DTNB: variants seen among roughly 807,000 people sequenced by gnomAD.
DTNB encodes DTN-B.
Under a neutral mutation model 90.7 loss-of-function variants are expected in DTNB, and 63 were observed. The observed-to-expected ratio is 0.69, with a 90% CI of 0.57 to 0.86. DTNB has a LOEUF of 0.86. Ranked by LOEUF, DTNB falls within the 40% of genes least tolerant of loss-of-function variation. DTNB has a pLI of 0.00. For synonymous variants in DTNB, 277 were observed against 286.7 expected, an observed-to-expected ratio of 0.97 and a Z score of 0.34; for missense variants, 744 against 807.1, an observed-to-expected ratio of 0.92 and a Z score of 0.95.
At chr2:25,505,930 T>G (rs1558801939) in intron 9 of DTNB, among the ~76,000 whole-genome samples, 1 of 152,176 alleles carries the variant, frequency 6.6e-6, no homozygotes, top group Non-Finnish European at 1.5e-5. Flanking sequence ...ATGCCCTCAA[T>G]GGAAAGACAA....
intron 6 of DTNB, chr2:25,595,289 A>T (rs1043394649): frequency 1.3e-5 from 2 of 152,176 alleles, no homozygotes; most frequent in Admixed American, 6.5e-5. Context: ...TTGTAAATTT[A>T]CTATGTTCTT....
intron 20 of DTNB, among the ~76,000 whole-genome samples, chr2:25,378,155 G>A (rs943838619): frequency 2.0e-5 from 3 of 152,214 alleles, no homozygotes; most frequent in African/African-American, 7.2e-5. Flanking sequence ...CGGGGAGAGA[G>A]GGGCTCTGGC....
intron 10 of DTNB, among the ~76,000 whole-genome samples, chr2:25,480,263 C>T (rs1436792500): frequency 6.6e-6 from 1 of 152,196 alleles, no homozygotes; most frequent in African/African-American, 2.4e-5. Flanking sequence ...GGAGCTCAAC[C>T]TTCTTCTCTG....
intron 10 of DTNB, among the ~76,000 whole-genome samples, chr2:25,478,281 T>C (rs1468808879): frequency 1.3e-5 from 2 of 152,168 alleles, no homozygotes; most frequent in Non-Finnish European, 2.9e-5. Context: ...TGGGTATAAA[T>C]TGGATACCCT....
intron 12 of DTNB, among the ~76,000 whole-genome samples, chr2:25,446,751 T>A (rs930206447): frequency 6.6e-6 from 1 of 152,214 alleles, no homozygotes; most frequent in Non-Finnish European, 1.5e-5. Flanking sequence ...TGGGGACTCA[T>A]TGCGATATAT....
intron 2 of DTNB, among the ~76,000 whole-genome samples, chr2:25,644,009 AGG>A (rs951377626): frequency 6.6e-6 from 1 of 152,208 alleles, no homozygotes; most frequent in Non-Finnish European, 1.5e-5. Flanking sequence ...TACTCCCACC[AGG>A]GCCATGACAG....
chr2:25,671,577 A>T (rs2085921696), intron 1 of DTNB, among the ~76,000 whole-genome samples: 1 of 152,230 alleles, frequency 6.6e-6, no homozygotes, highest in Non-Finnish European at 1.5e-5. Flanking sequence ...GCCCTGAGAG[A>T]GTAACATAAA....
chr2:25,457,085 C>T (rs1255038574), intron 10 of DTNB, among the ~76,000 whole-genome samples: 4 of 152,162 alleles, frequency 2.6e-5, no homozygotes, highest in Admixed American at 6.5e-5. Context: ...TCTCAGCTCA[C>T]TGAAACCTCC....
chr2:25,653,431 TTAAAAAA>T (rs1356777793), intron 1 of DTNB, among the ~76,000 whole-genome samples: 1 of 147,174 alleles, frequency 6.8e-6, no homozygotes, highest in Non-Finnish European at 1.5e-5. Context: ...CGTTTTTTTT[TTAAAAAA>T]AAAAAAAAGA....
At chr2:25,499,739 G>A (rs1402420217) in intron 9 of DTNB, among the ~76,000 whole-genome samples, 1 of 152,178 alleles carries the variant, frequency 6.6e-6, no homozygotes, top group Non-Finnish European at 1.5e-5. Flanking sequence ...AACTTTGCGA[G>A]AGCAGGGACC....
chr2:25,576,852 CCTT>C lies in DTNB; in HGVS notation c.859_861del (p.Lys287del). Reference sequence around the variant, plus strand: ...AAAGCAGTTACCCAAGAGGAATGCTCCTTCATCTGGTGCTGGTTGCTGTGAGGG... The same window carrying C: ...AAAGCAGTTACCCAAGAGGAATGCTCCATCTGGTGCTGGTTGCTGTGAGGG... On this transcript the variant is annotated inframe_deletion, in exon 8 of 21. Coordinates refer to ENST00000406818, the MANE Select transcript of DTNB (RefSeq NM_021907.5). 6.2e-7 allele frequency: 1 copy of C among 1,612,378 alleles called. No homozygotes were observed. Among genetic ancestry groups the C allele is most frequent in the Non-Finnish European group, 8.5e-7 (1 of 1,179,196 alleles).
chr2:25,438,883 CT>C (rs1028403634), intron 12 of DTNB, among the ~76,000 whole-genome samples: 1 of 152,176 alleles, frequency 6.6e-6, no homozygotes, highest in African/African-American at 2.4e-5. Flanking sequence ...GGCACTTTAC[CT>C]TTTCCTTTCC....
At chr2:25,446,320 T>G (rs1466519863) in intron 12 of DTNB, among the ~76,000 whole-genome samples, 1 of 152,212 alleles carries the variant, frequency 6.6e-6, no homozygotes, top group Non-Finnish European at 1.5e-5. Context: ...CACTGCAACC[T>G]TGAACTTCTG....
intron 8 of DTNB, among the ~76,000 whole-genome samples, chr2:25,550,898 C>T (rs1004664708): frequency 6.6e-6 from 1 of 152,198 alleles, no homozygotes; most frequent in Non-Finnish European, 1.5e-5. Context: ...AATCTGCCCA[C>T]CTCGGCCTCC....
rs536815337 is a variant in DTNB, at chr2:25,629,444, A to G, written c.149-1060T>C. Among the ~76,000 whole-genome samples the G allele has an allele frequency of 7.2e-5, 11 of 152,362 alleles. No individual in the cohort carries two copies. In the South Asian group the frequency reaches 2.3e-3, roughly 32 times the overall value. On this transcript the variant is annotated intron_variant, in intron 3 of 20. Coordinates refer to ENST00000406818, the MANE Select transcript of DTNB (RefSeq NM_021907.5). ...AATATGTCAGTTAACTGCAGTGACT[A>G]TAAACACACTAACGTACCACTTACA...
chr2:25,511,027 C>T (rs933653908), intron 9 of DTNB, among the ~76,000 whole-genome samples: 1 of 152,138 alleles, frequency 6.6e-6, no homozygotes, highest in South Asian at 2.1e-4. Context: ...TTATAACATG[C>T]TTCTACGCTG....
At chr2:25,564,157 TC>T (rs1243464802) in intron 8 of DTNB, among the ~76,000 whole-genome samples, 2 of 152,026 alleles carry the variant, frequency 1.3e-5, no homozygotes, top group African/African-American at 4.8e-5. Context: ...TGCCTCAGCC[TC>T]CAAATTTGCT....
chr2:25,432,790 C>T, intron 14 of DTNB, 96 bp downstream of exon 14: 14 of 1,288,398 alleles, frequency 1.1e-5, no homozygotes, highest in Non-Finnish European at 1.5e-5. Flanking sequence ...ATTGTTTATA[C>T]TGAACAACAG....
At chr2:25,566,860 G>A (rs147934517) in intron 8 of DTNB, among the ~76,000 whole-genome samples, 85 of 152,304 alleles carry the variant, frequency 5.6e-4, no homozygotes, top group African/African-American at 1.7e-3. Context: ...AAGGACCAGC[G>A]GTGCTAAAGG....
Sources: gnomAD v4.1 joint callset for allele counts (sites outside exome capture counted in the v4.1 genomes callset) on GRCh38, gnomAD v4.1.1 for gene constraint, MANE v1.5 for transcripts, NCBI Gene and HGNC (gene_info 2026-07-23, HGNC 2026-07-21) for gene names.